Variants in MBOAT2 observed in about 807,000 individuals in gnomAD.
MBOAT2 encodes membrane bound glycerophospholipid O-acyltransferase 2, also known as membrane-bound glycerophospholipid O-acyltransferase 2.
A neutral mutation model predicts 63.4 loss-of-function variants in MBOAT2; 28 were observed. That is an observed-to-expected ratio of 0.44 (90% CI 0.33 to 0.61). The LOEUF (loss-of-function observed/expected upper bound fraction) is 0.61. MBOAT2 is among the 20% of genes least tolerant of loss of function. The probability of loss-of-function intolerance (pLI) is 0.03; values close to 1 mark genes in which losing one functional copy is unlikely to be tolerated. For synonymous variants in MBOAT2, 211 were observed against 215.6 expected (o/e 0.98, Z 0.19); for missense variants, 470 against 605.8 (o/e 0.78, Z 2.35).
chr2:8,929,177 C>T (rs1363213956), intron 3 of MBOAT2, among the ~76,000 whole-genome samples: 1 of 152,164 alleles, frequency 6.6e-6, no homozygotes, highest in Admixed American at 6.5e-5. Flanking sequence ...ATCACTGTTC[C>T]AGTCCCCCAA....
At chr2:8,864,045 G>A (rs914756626) in intron 10 of MBOAT2, 125 bp downstream of exon 10, 31 of 632,054 alleles carry the variant, frequency 4.9e-5, no homozygotes, top group Middle Eastern at 2.7e-4. Context: ...GTGTTTCCCG[G>A]CTGACACTGA....
intron 3 of MBOAT2, among the ~76,000 whole-genome samples, chr2:8,929,129 T>TG (rs1667135208): frequency 6.6e-6 from 1 of 152,220 alleles, no homozygotes. Context: ...CTTTTTTGTA[T>TG]GCCAGGTGGG....
chr2:8,949,781 A>G (rs1475731072), intron 2 of MBOAT2, among the ~76,000 whole-genome samples: 2 of 152,132 alleles, frequency 1.3e-5, no homozygotes, highest in African/African-American at 2.4e-5. Context: ...TGATGCCTCC[A>G]GCTTTGTTCA....
chr2:8,903,166 T>C lies in MBOAT2; in HGVS notation c.395+5455A>G, dbSNP rs141329724. ...CCTTTAACTAGGCACAAAGCACTGA[T>C]TGGTGCATTTACAATCCTTTAGCTT... On this transcript the variant is annotated intron_variant, in intron 4 of 12. Transcript: ENST00000305997. 6.2e-4 allele frequency among the ~76,000 whole-genome samples: 94 copies of C among 152,302 alleles called. 1 individual carries two copies. The highest frequency in any genetic ancestry group is 4.2e-3 in the East Asian group (22 of 5,178).
At chr2:8,978,002 C>T (rs1167821340) in intron 1 of MBOAT2, among the ~76,000 whole-genome samples, 2 of 152,064 alleles carry the variant, frequency 1.3e-5, no homozygotes, top group Non-Finnish European at 2.9e-5. Flanking sequence ...TCTTTAAGGT[C>T]CCCATTTCCT....
intron 6 of MBOAT2, among the ~76,000 whole-genome samples, chr2:8,880,699 A>G (rs561450930): frequency 4.6e-5 from 7 of 152,316 alleles, no homozygotes; most frequent in Non-Finnish European, 8.8e-5. Context: ...GAAGAGACAG[A>G]GAGAAAGAGC....
chr2:8,952,967 T>C (rs1378185074), intron 2 of MBOAT2, among the ~76,000 whole-genome samples: 1 of 152,222 alleles, frequency 6.6e-6, no homozygotes, highest in Admixed American at 6.5e-5. Context: ...AGGTCATTTA[T>C]ATTCAAAGTT....
intron 1 of MBOAT2, among the ~76,000 whole-genome samples, chr2:8,997,947 A>C (rs1039320286): frequency 1.3e-5 from 2 of 152,210 alleles, no homozygotes; most frequent in African/African-American, 4.8e-5. Flanking sequence ...CTCTGAATTA[A>C]ACAGAGAGGC....
At chr2:8,872,324 C>T (rs1185385301) in intron 8 of MBOAT2, among the ~76,000 whole-genome samples, 5 of 152,198 alleles carry the variant, frequency 3.3e-5, no homozygotes, top group African/African-American at 1.2e-4. Flanking sequence ...GTCGCTCAGG[C>T]TGCAGTGCAG....
At chr2:8,875,952 A>G (rs188614335) in intron 7 of MBOAT2, among the ~76,000 whole-genome samples, 1 of 152,358 alleles carries the variant, frequency 6.6e-6, no homozygotes, top group Admixed American at 6.5e-5. Context: ...ACATTTCTAC[A>G]TTGACTCTTT....
intron 1 of MBOAT2, among the ~76,000 whole-genome samples, chr2:8,970,464 G>A (rs1235332621): frequency 6.6e-6 from 1 of 152,136 alleles, no homozygotes; most frequent in Non-Finnish European, 1.5e-5. Flanking sequence ...AAAAGAACTA[G>A]AGAAGCAAGA....
At chr2:8,908,470 A>G (rs1439060063) in intron 4 of MBOAT2, 151 bp downstream of exon 4, 2 of 577,142 alleles carry the variant, frequency 3.5e-6, no homozygotes, top group African/African-American at 3.8e-5. Flanking sequence ...ACTACTTACA[A>G]GAGAGAAATT....
chr2:8,991,193 T>C (rs974214103), intron 1 of MBOAT2, among the ~76,000 whole-genome samples: 5 of 152,154 alleles, frequency 3.3e-5, no homozygotes, highest in Non-Finnish European at 7.4e-5. Flanking sequence ...AAAATCAATA[T>C]ACACTTTCTA....
rs1312699922 is a variant in MBOAT2 at position 8,862,486 on chromosome 2, C to T, written c.1185+104G>A. 2.4e-5 allele frequency: 34 copies of T among 1,442,948 alleles called. No homozygotes were observed. The highest frequency in any genetic ancestry group is 3.2e-5 in the Non-Finnish European group (34 of 1,061,016). 89.4% of individuals were successfully genotyped at this position (1,442,948 alleles called of 1,614,324 possible). A position where few individuals can be genotyped will look rare whatever the true frequency, so the allele number is the denominator to read the frequency against. On this transcript the variant is annotated intron_variant, in intron 11 of 12. Transcript: ENST00000305997. The surrounding 1 kb of genome is among the most constrained non-coding windows in gnomAD (Gnocchi z 4.3). ...CTTCTAGTGGAAAGGACAATACTGACCACGACCAAGGAAAGAGGGTCTACC... is the reference window on the plus strand; with the variant it reads ...CTTCTAGTGGAAAGGACAATACTGATCACGACCAAGGAAAGAGGGTCTACC...
In MBOAT2 at chr2:8,862,150, A is replaced by G. The variant is rs1661540723; in HGVS notation, c.1185+440T>C. ...ATGTTCTGTCTAGGCAAATACTCTA[A>G]AGAACTGTGTCCTCTTCCAGTGTGG... On this transcript the variant is annotated intron_variant, in intron 11 of 12. Coordinates refer to ENST00000305997, the MANE Select transcript of MBOAT2 (RefSeq NM_138799.4). This position sits in a 1 kb window ranked among gnomAD's most constrained non-coding sequence, Gnocchi z 4.3. The G allele has an allele frequency of 2.5e-6, 1 of 400,796 alleles. No individual in the cohort carries two copies. The highest frequency in any genetic ancestry group is 4.2e-6 in the Non-Finnish European group (1 of 238,390). 24.8% of individuals were successfully genotyped at this position (400,796 alleles called of 1,614,324 possible).
chr2:8,956,659 T>C (rs1669248831), intron 2 of MBOAT2, among the ~76,000 whole-genome samples: 1 of 152,186 alleles, frequency 6.6e-6, no homozygotes, highest in Non-Finnish European at 1.5e-5. Context: ...ATCATGTCAC[T>C]GCACTCCAGC....
intron 6 of MBOAT2, among the ~76,000 whole-genome samples, chr2:8,881,955 C>CTG (rs1663169407): frequency 6.6e-6 from 1 of 152,184 alleles, no homozygotes; most frequent in Admixed American, 6.5e-5. Flanking sequence ...GAGATAGACA[C>CTG]TGTGAAATTA....
chr2:8,916,987 C>T (rs57618576), intron 3 of MBOAT2, among the ~76,000 whole-genome samples: 4 of 152,056 alleles, frequency 2.6e-5, no homozygotes, highest in Admixed American at 6.6e-5. Flanking sequence ...ATAAAGAGTA[C>T]AGAAATAAAG....
chr2:8,961,989 C>G (rs1669635605), intron 1 of MBOAT2, among the ~76,000 whole-genome samples: 2 of 152,156 alleles, frequency 1.3e-5, no homozygotes. Flanking sequence ...CCAGAGGGGA[C>G]TGTCCTGCAG....
Sources: allele counts gnomAD v4.1 joint callset (sites outside exome capture counted in the v4.1 genomes callset), GRCh38; gene constraint gnomAD v4.1.1; non-coding constraint Gnocchi (gnomAD v3.1); transcripts MANE v1.5; gene names NCBI Gene and HGNC (gene_info 2026-07-23, HGNC 2026-07-21).